Variants in GCNT2 observed in about 807,000 individuals in gnomAD.
GCNT2 encodes the protein N-acetyllactosaminide beta-1,6-N-acetylglucosaminyl-transferase.
In GCNT2, 34 loss-of-function variants were observed where a neutral mutation model predicts 34.2. The observed-to-expected ratio is 1.00, with a 90% confidence interval of 0.76 to 1.32. The LOEUF is 1.32. GCNT2 is among the 40% of genes most tolerant of loss of function. The pLI is 0.00. For synonymous variants in GCNT2, 212 were observed against 188.0 expected, an observed-to-expected ratio of 1.13 and a Z score of -1.04; for missense variants, 584 against 489.4, an observed-to-expected ratio of 1.19 and a Z score of -1.82.
chr6:10,590,935 A>T (rs1201148018), intron 3 of GCNT2, among the ~76,000 whole-genome samples: 1 of 151,926 alleles, frequency 6.6e-6, no homozygotes, highest in East Asian at 1.9e-4. Context: ...TTCCTGTCTA[A>T]CTCTTCATCC....
intron 3 of GCNT2, among the ~76,000 whole-genome samples, chr6:10,579,119 C>T (rs781062912): frequency 7.2e-5 from 11 of 152,096 alleles, no homozygotes; most frequent in Non-Finnish European, 1.3e-4. Flanking sequence ...GTTTTTTCTG[C>T]TTTGTGATTG....
intron 3 of GCNT2, among the ~76,000 whole-genome samples, chr6:10,536,561 G>A (rs934541725): frequency 1.3e-5 from 2 of 151,494 alleles, no homozygotes; most frequent in African/African-American, 4.9e-5. Context: ...TCACCATGTT[G>A]GCCAGGATGG....
chr6:10,538,094 C>T lies in GCNT2; in HGVS notation c.925+8258C>T, dbSNP rs1041994190. Among the ~76,000 whole-genome samples, 3 of 151,854 alleles carry T rather than the reference C, an allele frequency of 2.0e-5. No homozygotes were observed. In the East Asian group the frequency reaches 5.8e-4, roughly 29 times the overall value. On this transcript the variant is annotated intron_variant, in intron 3 of 4. Coordinates refer to ENST00000495262, the MANE Select transcript of GCNT2 (RefSeq NM_145649.5). ...TCTACTTAAATGCTCATGGCTTTCACACATCATAAGGTAAAAAAAATTATA... is the reference window on the plus strand; with the variant it reads ...TCTACTTAAATGCTCATGGCTTTCATACATCATAAGGTAAAAAAAATTATA...
chr6:10,625,794 T>C (rs565555214), intron 4 of GCNT2, among the ~76,000 whole-genome samples: 2 of 152,318 alleles, frequency 1.3e-5, no homozygotes, highest in Non-Finnish European at 2.9e-5. Context: ...ACTCTAAATA[T>C]ACTTTGTTTT....
intron 3 of GCNT2, among the ~76,000 whole-genome samples, chr6:10,538,818 CAG>C (rs1761905744): frequency 6.6e-6 from 1 of 152,088 alleles, no homozygotes; most frequent in African/African-American, 2.4e-5. Context: ...TCTGGGATCT[CAG>C]AGGAATAACC....
At chr6:10,588,915 AGT>A (rs1764485325) in intron 3 of GCNT2, among the ~76,000 whole-genome samples, 2 of 57,844 alleles carry the variant, frequency 3.5e-5, no homozygotes, top group Admixed American at 1.9e-4. Flanking sequence ...GTGTGTGTGT[AGT>A]GTGTGGTGTG....
At chr6:10,596,532 A>AG (rs1764860727) in intron 3 of GCNT2, among the ~76,000 whole-genome samples, 1 of 151,874 alleles carries the variant, frequency 6.6e-6, no homozygotes, top group East Asian at 1.9e-4. Context: ...AAAAAAAAAA[A>AG]GATTTCCATT....
chr6:10,569,142 A>G (rs1243462326), intron 3 of GCNT2, among the ~76,000 whole-genome samples: 1 of 151,758 alleles, frequency 6.6e-6, no homozygotes, highest in Non-Finnish European at 1.5e-5. Flanking sequence ...TCAAATGGAA[A>G]TAATTTTAGG....
chr6:10,585,673 A>G lies in GCNT2; in HGVS notation c.926-35678A>G, dbSNP rs1044436185. Reference sequence around the variant, plus strand: ...TTCCAGAACGTAATTTGCATTTCATATGTAAATGAGGAGGCTTCCTAGAGG... The same window carrying G: ...TTCCAGAACGTAATTTGCATTTCATGTGTAAATGAGGAGGCTTCCTAGAGG... On this transcript the variant is annotated intron_variant, in intron 3 of 4. Coordinates refer to ENST00000495262, the MANE Select transcript of GCNT2 (RefSeq NM_145649.5). 4 of 734,424 alleles carry G rather than the reference A, an allele frequency of 5.4e-6. No homozygotes were observed. In the African/African-American group the frequency reaches 5.5e-5, roughly 10 times the overall value. The allele number at this position is 734,424 out of a possible 1,614,324, so 45.5% of individuals were successfully genotyped here.
At chr6:10,587,390 T>C (rs1180466706) in intron 3 of GCNT2, among the ~76,000 whole-genome samples, 1 of 152,184 alleles carries the variant, frequency 6.6e-6, no homozygotes, top group East Asian at 1.9e-4. Context: ...GCTTCGGATA[T>C]TCACAAATCA....
chr6:10,586,114 G>A (rs1764331468), intron 3 of GCNT2: 2 of 1,614,174 alleles, frequency 1.2e-6, no homozygotes, highest in Non-Finnish European at 1.7e-6. Flanking sequence ...TCCAGTGAAA[G>A]GTATTTTAGG....
At chr6:10,582,178 A>T (rs1467214995) in intron 3 of GCNT2, among the ~76,000 whole-genome samples, 1 of 133,238 alleles carries the variant, frequency 7.5e-6, no homozygotes, top group Non-Finnish European at 1.5e-5. Flanking sequence ...TATTTTATAT[A>T]AAATATATTT....
At chr6:10,550,340 AT>A (rs554606041) in intron 3 of GCNT2, among the ~76,000 whole-genome samples, 22 of 148,474 alleles carry the variant, frequency 1.5e-4, no homozygotes, top group South Asian at 6.4e-4. Context: ...CCGGCCTAAC[AT>A]TTTTTTTTTC....
intron 3 of GCNT2, among the ~76,000 whole-genome samples, chr6:10,587,788 T>G (rs761878983): frequency 6.6e-6 from 1 of 152,200 alleles, no homozygotes; most frequent in Non-Finnish European, 1.5e-5. Context: ...CGTTACGTCT[T>G]TCCTGTGTGT....
chr6:10,539,714 C>A (rs1006397734), intron 3 of GCNT2, among the ~76,000 whole-genome samples: 2 of 152,116 alleles, frequency 1.3e-5, no homozygotes, highest in African/African-American at 4.8e-5. Context: ...TCTAAAAATT[C>A]TATGTGCAAC....
intron 3 of GCNT2, among the ~76,000 whole-genome samples, chr6:10,620,574 A>G (rs934970278): frequency 1.3e-4 from 19 of 151,830 alleles, no homozygotes; most frequent in Non-Finnish European, 2.4e-4. Context: ...CACTCAGCTA[A>G]TTTTTTATTT....
In GCNT2 at chr6:10,627,549, C is replaced by T. The variant is rs1469084205; in HGVS notation, c.*942C>T. 1 of 152,224 alleles carries T rather than the reference C, an allele frequency of 6.6e-6. No homozygotes were observed. The highest frequency in any genetic ancestry group is 1.9e-4 in the East Asian group (1 of 5,172). 9.4% of individuals were successfully genotyped at this position (152,224 alleles called of 1,614,324 possible). A position where few individuals can be genotyped will look rare whatever the true frequency, so the allele number is the denominator to read the frequency against. On this transcript the variant is annotated 3_prime_UTR_variant, in exon 5 of 5. Coordinates refer to ENST00000495262, the MANE Select transcript of GCNT2 (RefSeq NM_145649.5). ...CTGCCTGGTACTGATAGTAGTGGCT[C>T]GATTTTTAAGAGCCTTCAATTGTAG...
At chr6:10,566,482 T>G (rs1001922116) in intron 3 of GCNT2, among the ~76,000 whole-genome samples, 1 of 152,108 alleles carries the variant, frequency 6.6e-6, no homozygotes, top group Non-Finnish European at 1.5e-5. Context: ...TTTATAGAGA[T>G]AGAATTTCAC....
rs1762697749 is a variant in GCNT2 at position 10,556,272 on chromosome 6, C to T, written c.925+26436C>T. 2.0e-6 allele frequency: 3 copies of T among 1,491,496 alleles called. No homozygotes were observed. In the South Asian group the frequency reaches 4.1e-5, roughly 20 times the overall value. 92.4% of individuals were successfully genotyped at this position (1,491,496 alleles called of 1,614,324 possible). ...CAGGGACAGAGACAGCAGCTGGACT[C>T]TCGGGATGAAACGGAATCGATTCCC... is the stretch of plus-strand genomic sequence containing the variant. On this transcript the variant is annotated intron_variant, in intron 3 of 4. Transcript: ENST00000495262.
Sources: gnomAD v4.1 joint callset for allele counts (sites outside exome capture counted in the v4.1 genomes callset) on GRCh38, gnomAD v4.1.1 for gene constraint, MANE v1.5 for transcripts, NCBI Gene and HGNC (gene_info 2026-07-23, HGNC 2026-07-21) for gene names.